The following ZNF605 variants were observed in gnomAD, a reference collection of about 807,000 sequenced individuals.
ZNF605 encodes the protein zinc finger protein 605.
Under a neutral mutation model 7.9 loss-of-function variants are expected in ZNF605, and 9 were observed. That is an observed-to-expected ratio of 1.14 (90% CI 0.68 to 1.98). The LOEUF (loss-of-function observed/expected upper bound fraction) is 1.98, where lower values mean the gene tolerates loss of function less well. Ranked by LOEUF, ZNF605 falls within the 30% of genes most tolerant of loss-of-function variation. ZNF605 has a pLI of 0.00. For missense variants in ZNF605, 673 were observed against 762.4 expected (o/e 0.88, Z 1.38); for synonymous variants, 255 against 260.1 (o/e 0.98, Z 0.19).
At chr12:132,940,154 T>G (rs939421605) in intron 3 of ZNF605, among the ~76,000 whole-genome samples, 2 of 152,172 alleles carry the variant, frequency 1.3e-5, no homozygotes, top group East Asian at 3.9e-4. Flanking sequence ...CTAGCCGACA[T>G]GATTCCATTT....
chr12:132,949,299 T>C (rs1952532871), intron 1 of ZNF605, among the ~76,000 whole-genome samples: 1 of 152,154 alleles, frequency 6.6e-6, no homozygotes. Flanking sequence ...ACAAAGGAGA[T>C]TCATTTAAAC....
At chr12:132,945,244 A>AT in intron 3 of ZNF605, 1 of 661,388 alleles carries the variant, frequency 1.5e-6, no homozygotes. Flanking sequence ...GATTACAGGC[A>AT]TGAGCCACCA....
At chr12:132,929,071 C>T (rs1307167290) in intron 4 of ZNF605, among the ~76,000 whole-genome samples, 1 of 151,754 alleles carries the variant, frequency 6.6e-6, no homozygotes, top group Non-Finnish European at 1.5e-5. Context: ...CTACTCTTTT[C>T]TAGGGGGGAA....
intron 3 of ZNF605, among the ~76,000 whole-genome samples, chr12:132,936,152 A>G (rs902715649): frequency 3.3e-5 from 5 of 151,974 alleles, no homozygotes; most frequent in African/African-American, 1.2e-4. Flanking sequence ...TATATTTAAT[A>G]TATTCAAAGA....
At chr12:132,937,229 C>T (rs1025239079) in intron 3 of ZNF605, among the ~76,000 whole-genome samples, 146 of 151,890 alleles carry the variant, frequency 9.6e-4, no homozygotes, top group Middle Eastern at 3.4e-3. Flanking sequence ...CATGGTGACA[C>T]GCACCTGTAA....
rs1055094249 is a variant in ZNF605, at chr12:132,919,545, A to C, written c.*5828T>G. On this transcript the variant is annotated 3_prime_UTR_variant, in exon 5 of 5. Transcript: ENST00000360187. ...GCTGGGACTACAGGCGCCCGCCACC[A>C]CGCGCGGCTAATTTTTTGTATTTTT... The C allele has an allele frequency of 2.0e-5, 3 of 150,384 alleles. No homozygotes were observed. Among genetic ancestry groups the C allele is most frequent in the African/African-American group, 7.4e-5 (3 of 40,810 alleles). 9.3% of individuals were successfully genotyped at this position (150,384 alleles called of 1,614,324 possible). A position where few individuals can be genotyped will look rare whatever the true frequency, so the allele number is the denominator to read the frequency against.
chr12:132,934,096 A>AAC (rs112682806), intron 3 of ZNF605, among the ~76,000 whole-genome samples: 101,016 of 149,652 alleles, frequency 0.68, 34,824 homozygotes, highest in Middle Eastern at 0.8. Flanking sequence ...AACTCTATTA[A>AAC]ACACACACAC....
rs560377466 is a variant in ZNF605, at chr12:132,920,330, G to A, written c.*5043C>T. The A allele has an allele frequency of 3.5e-3, 524 of 151,876 alleles. 1 individual carries two copies. Among genetic ancestry groups the A allele is most frequent in the Non-Finnish European group, 5.2e-3 (353 of 68,040 alleles). The allele number at this position is 151,876 out of a possible 1,614,324, so 9.4% of individuals were successfully genotyped here. On this transcript the variant is annotated 3_prime_UTR_variant, in exon 5 of 5. Transcript: ENST00000360187. ...AATTTTTTGTATTTTTAGTAGAGAC[G>A]GGGTTTCACCGTGTTAGCCAGGATG... is the stretch of plus-strand genomic sequence containing the variant.
intron 3 of ZNF605, among the ~76,000 whole-genome samples, chr12:132,939,922 G>A (rs1019964983): frequency 1.7e-4 from 25 of 151,284 alleles, no homozygotes; most frequent in African/African-American, 5.9e-4. Context: ...AACACTCACC[G>A]CGAAGGTCTG....
chr12:132,946,501 C>G (rs1952495486), intron 2 of ZNF605, among the ~76,000 whole-genome samples: 1 of 152,216 alleles, frequency 6.6e-6, no homozygotes, highest in Admixed American at 6.5e-5. Flanking sequence ...GCCTCTTCCC[C>G]AGTTCACACC....
chr12:132,932,246 G>A (rs971003834), intron 4 of ZNF605, among the ~76,000 whole-genome samples: 2 of 151,830 alleles, frequency 1.3e-5, no homozygotes, highest in African/African-American at 4.8e-5. Flanking sequence ...GAGCTACTGC[G>A]CCCAGCCTAG....
chr12:132,942,481 CAG>C (rs1479232589), intron 3 of ZNF605, among the ~76,000 whole-genome samples: 1 of 152,198 alleles, frequency 6.6e-6, no homozygotes, highest in Non-Finnish European at 1.5e-5. Context: ...CATGGATAAA[CAG>C]AATGGTTTGG....
chr12:132,932,689 C>T, intron 4 of ZNF605: 1 of 1,446,364 alleles, frequency 6.9e-7, no homozygotes, highest in East Asian at 2.5e-5. Context: ...TTCACTGTAT[C>T]TCATAAACCT....
intron 1 of ZNF605, among the ~76,000 whole-genome samples, chr12:132,954,460 G>A (rs1952612973): frequency 6.7e-6 from 1 of 148,932 alleles, no homozygotes; most frequent in African/African-American, 2.5e-5. Context: ...GGAGAAGGGT[G>A]GGGAGGGGAG....
intron 1 of ZNF605, among the ~76,000 whole-genome samples, chr12:132,952,339 T>C (rs1169026305): frequency 1.3e-5 from 2 of 150,130 alleles, no homozygotes; most frequent in South Asian, 2.1e-4. Context: ...CGGGCACCTG[T>C]AATCCCAGCT....
chr12:132,944,909 T>C (rs1029149397), intron 3 of ZNF605: 1 of 155,736 alleles, frequency 6.4e-6, no homozygotes, highest in African/African-American at 2.4e-5. Flanking sequence ...CTTTCTGTTA[T>C]GGCTTCTGGA....
chr12:132,940,292 G>A (rs1248546689), intron 3 of ZNF605, among the ~76,000 whole-genome samples: 7 of 152,192 alleles, frequency 4.6e-5, no homozygotes, highest in East Asian at 1.9e-4. Context: ...GCTCTGTCCC[G>A]ACTGTGATGT....
At chr12:132,939,861 C>T (rs890725224) in intron 3 of ZNF605, among the ~76,000 whole-genome samples, 29 of 148,190 alleles carry the variant, frequency 2.0e-4, no homozygotes, top group East Asian at 5.8e-4. Context: ...AGCGAGACCA[C>T]GAGCCCACCG....
chr12:132,941,725 C>T lies in ZNF605; in HGVS notation c.15+3896G>A, dbSNP rs1327200273. ...GCCGTTCCCCGCAGGGCACTTCCCA[C>T]GGGTACCTCCAGGCTGCCCTCCGTC... On this transcript the variant is annotated intron_variant, in intron 3 of 4. Coordinates refer to ENST00000360187, the MANE Select transcript of ZNF605 (RefSeq NM_183238.4). This position sits in a 1 kb window ranked among gnomAD's most constrained non-coding sequence, Gnocchi z 5.1. Among the ~76,000 whole-genome samples the T allele has an allele frequency of 1.3e-5, 2 of 152,344 alleles. No homozygotes were observed. Among genetic ancestry groups the T allele is most frequent in the Non-Finnish European group, 2.9e-5 (2 of 68,020 alleles).
Sources: gnomAD v4.1 joint callset for allele counts (sites outside exome capture counted in the v4.1 genomes callset) on GRCh38, gnomAD v4.1.1 for gene constraint, Gnocchi (gnomAD v3.1) non-coding constraint, MANE v1.5 for transcripts, NCBI Gene and HGNC (gene_info 2026-07-23, HGNC 2026-07-21) for gene names.